The following TCF4 variants were observed in gnomAD, a reference collection of about 807,000 sequenced individuals.
TCF4 encodes SL3-3 enhancer factor 2.
A neutral mutation model predicts 82.1 loss-of-function variants in TCF4; 3 were observed. That is an observed-to-expected ratio of 0.04 (90% CI 0.02 to 0.09). The LOEUF is 0.09. Among genes scored for constraint, TCF4 ranks in the 10% least tolerant of loss-of-function variants. TCF4 has a pLI of 1.00. For synonymous variants in TCF4, 276 were observed against 309.6 expected (o/e 0.89, Z 1.14); for missense variants, 518 against 852.7 (o/e 0.61, Z 4.89).
intron 4 of TCF4, 112 bp from the exon 5 acceptor site, chr18:55,461,227 T>G: frequency 4.9e-6 from 4 of 814,622 alleles, no homozygotes; most frequent in Non-Finnish European, 8.0e-6. Context: ...GAGTCCACTA[T>G]TCCCTCCCTG....
intron 3 of TCF4, among the ~76,000 whole-genome samples, chr18:55,476,984 C>G (rs2096304617): frequency 6.6e-6 from 1 of 152,144 alleles, no homozygotes; most frequent in Admixed American, 6.5e-5. Flanking sequence ...GATACACAAA[C>G]TTGCATTTCC....
chr18:55,514,886 CATGTGTAATAT>C (rs896152612), intron 3 of TCF4, among the ~76,000 whole-genome samples: 1 of 152,032 alleles, frequency 6.6e-6, no homozygotes, highest in Non-Finnish European at 1.5e-5. Flanking sequence ...ATGAATAATA[CATGTGTAATAT>C]ATGGTTTATT....
intron 3 of TCF4, among the ~76,000 whole-genome samples, chr18:55,497,607 A>T (rs1568231325): frequency 6.6e-6 from 1 of 152,262 alleles, no homozygotes; most frequent in Non-Finnish European, 1.5e-5. Context: ...TCAACCTAGC[A>T]GTTATATTTG....
In TCF4 at chr18:55,229,067, G is replaced by A. The variant is rs755688939; in HGVS notation, c.1659C>T (p.Asp553=). The A allele has an allele frequency of 1.1e-5, 18 of 1,613,938 alleles. No homozygotes were observed. The African/African-American group carries it at 1.2e-4, about 11-fold the overall frequency. The stretch of plus-strand genomic sequence containing the variant: ...TCTGCTCTGGTGTCAGGTCCTCATC[G>A]TCATTATTGCTGTGGGACAAAAGGG... ...SITRSRSSNN[D]DEDLTPEQKA... Residue 553 remains aspartate (D), a synonymous_variant, in exon 18 of 20, where the codon GAC becomes GAT. Transcript: ENST00000354452.
intron 5 of TCF4, among the ~76,000 whole-genome samples, chr18:55,419,634 T>C (rs2094655114): frequency 6.6e-6 from 1 of 152,156 alleles, no homozygotes; most frequent in African/African-American, 2.4e-5. Context: ...AAATCACAAA[T>C]GCTTTTAAAA....
At chr18:55,377,360 C>G (rs2091011727) in intron 6 of TCF4, among the ~76,000 whole-genome samples, 1 of 152,104 alleles carries the variant, frequency 6.6e-6, no homozygotes, top group Admixed American at 6.6e-5. Context: ...ATAAATATGA[C>G]AGGTACAAAA....
At chr18:55,580,569 G>A (rs1040430628) in intron 3 of TCF4, among the ~76,000 whole-genome samples, 2 of 151,936 alleles carry the variant, frequency 1.3e-5, no homozygotes, top group African/African-American at 2.4e-5. Flanking sequence ...AAATTGGAAG[G>A]GTAGTTTATT....
chr18:55,616,815 GT>G, intron 2 of TCF4, among the ~76,000 whole-genome samples: 1 of 152,014 alleles, frequency 6.6e-6, no homozygotes, highest in Non-Finnish European at 1.5e-5. Flanking sequence ...TGTTGCAGGA[GT>G]TCCCTATATA....
intron 3 of TCF4, among the ~76,000 whole-genome samples, chr18:55,476,945 G>A (rs1369517325): frequency 1.3e-5 from 2 of 152,176 alleles, no homozygotes; most frequent in African/African-American, 4.8e-5. Context: ...ATGTGCCTGT[G>A]TGTGTAAAAT....
chr18:55,487,623 A>T (rs1056969231), intron 3 of TCF4, among the ~76,000 whole-genome samples: 1 of 152,238 alleles, frequency 6.6e-6, no homozygotes, highest in Non-Finnish European at 1.5e-5. Flanking sequence ...GATACAATAT[A>T]ATAAGTAAGA....
At position 55,254,613 on chromosome 18, in the gene TCF4, G is replaced by A. The variant is rs748075595; in HGVS notation, c.1234C>T (p.Pro412Ser). 2 of 1,613,460 alleles carry A rather than the reference G, an allele frequency of 1.2e-6. No individual in the cohort carries two copies. Among genetic ancestry groups the A allele is most frequent in the Admixed American group, 1.7e-5 (1 of 59,906 alleles). The change falls in exon 15 of 20, where the codon CCT (proline) becomes TCT (serine). Residue 412 changes from proline to serine, a missense_variant. Transcript: ENST00000354452. Reference sequence around the variant, plus strand: ...CCATGCATGTCCCCATGACCACCAGGCATAGCTGTGGATGGGCCCACTGCA... The same window carrying A: ...CCATGCATGTCCCCATGACCACCAGACATAGCTGTGGATGGGCCCACTGCA... Reference protein sequence around the residue: ...NHAVGPSTAMPGGHGDMHGII... With the variant: ...NHAVGPSTAMSGGHGDMHGII...
intron 8 of TCF4, among the ~76,000 whole-genome samples, chr18:55,296,863 C>T (rs2066632485): frequency 6.6e-6 from 1 of 152,080 alleles, no homozygotes; most frequent in Non-Finnish European, 1.5e-5. Flanking sequence ...CATTTAGGCA[C>T]ATGGTAAACT....
intron 15 of TCF4, among the ~76,000 whole-genome samples, chr18:55,253,684 T>C (rs1237734150): frequency 6.6e-6 from 1 of 152,166 alleles, no homozygotes; most frequent in Non-Finnish European, 1.5e-5. Flanking sequence ...TCTATTAAAT[T>C]ACACAGTCAC....
chr18:55,549,142 A>G (rs117300425), intron 3 of TCF4, among the ~76,000 whole-genome samples: 2,638 of 152,210 alleles, frequency 0.017, 38 homozygotes, highest in Non-Finnish European at 0.024. Flanking sequence ...CACCACAAAA[A>G]ATGCAAAAAT....
chr18:55,322,343 C>T, intron 8 of TCF4: 3 of 1,010,570 alleles, frequency 3.0e-6, no homozygotes, highest in Non-Finnish European at 3.5e-6. Flanking sequence ...TGCCATCTGT[C>T]TCTGCTGCTG....
chr18:55,279,605 A>G lies in TCF4; in HGVS notation c.601T>C (p.Tyr201His). 2 of 1,614,050 alleles carry G rather than the reference A, an allele frequency of 1.2e-6. No homozygotes were observed. Among genetic ancestry groups the G allele is most frequent in the Non-Finnish European group, 1.7e-6 (2 of 1,179,924 alleles). The change falls in exon 9 of 20, where the codon TAT becomes CAT. Residue 201 changes from tyrosine to histidine, a missense_variant. Physicochemically the swap from Tyr to His is moderately conservative, Grantham distance 83. Around this residue, in one of 7 missense-constraint regions of TCF4, gnomAD observed 211 missense variants for 327.4 expected, o/e 0.64. Transcript: ENST00000354452. ...TADYNRDSPG[Y>H]PSSKPATSTF... ...CTGGTTGCTGGTTTGGAGGAAGGAT[A>G]GCCTGGCGAGTCCCTATTGTAGTCG...
chr18:55,440,157 T>C (rs2095413748), intron 5 of TCF4, among the ~76,000 whole-genome samples: 2 of 152,266 alleles, frequency 1.3e-5, no homozygotes, highest in Non-Finnish European at 2.9e-5. Flanking sequence ...CATTTTTCTT[T>C]AAGTATTCTA....
intron 3 of TCF4, among the ~76,000 whole-genome samples, chr18:55,484,696 T>C (rs2096490806): frequency 6.6e-6 from 1 of 152,228 alleles, no homozygotes; most frequent in African/African-American, 2.4e-5. Flanking sequence ...CTGTACCCCA[T>C]GTGTTGTGGT....
At chr18:55,395,521 CTGT>C (rs1399267703) in intron 6 of TCF4, among the ~76,000 whole-genome samples, 2 of 152,194 alleles carry the variant, frequency 1.3e-5, no homozygotes, top group Non-Finnish European at 1.5e-5. Flanking sequence ...ACTGCCTGAA[CTGT>C]TGTTGTATAA....
Sources: allele counts gnomAD v4.1 joint callset (sites outside exome capture counted in the v4.1 genomes callset), GRCh38; gene constraint gnomAD v4.1.1; regional missense constraint gnomAD v4.1.1; transcripts MANE v1.5; gene names NCBI Gene and HGNC (gene_info 2026-07-23, HGNC 2026-07-21).